Variants in MTUS1 observed in about 807,000 individuals in gnomAD.
MTUS1 encodes the protein microtubule associated scaffold protein 1.
MTUS1 carries 109 observed loss-of-function variants against 120.8 expected under a neutral mutation model. That is an observed-to-expected ratio of 0.90 (90% CI 0.77 to 1.06). The LOEUF (loss-of-function observed/expected upper bound fraction) is 1.06, where lower values mean the gene tolerates loss of function less well. Among genes scored for constraint, MTUS1 ranks in the 50% least tolerant of loss-of-function variants. MTUS1 has a pLI of 0.00. For synonymous variants in MTUS1, 737 were observed against 550.5 expected (o/e 1.34, Z -4.74); for missense variants, 2,210 against 1,486.3 (o/e 1.49, Z -8.01).
At chr8:17,646,837 A>G (rs544579337) in intron 14 of MTUS1, 145 bp downstream of exon 14, 2 of 638,876 alleles carry the variant, frequency 3.1e-6, no homozygotes, top group African/African-American at 3.7e-5. Flanking sequence ...CTACAATCAT[A>G]TTTTCCACAG....
chr8:17,662,263 G>C (rs539831945), intron 8 of MTUS1, among the ~76,000 whole-genome samples: 54 of 151,176 alleles, frequency 3.6e-4, no homozygotes, highest in Admixed American at 1.2e-3. Flanking sequence ...AAATTGTTTC[G>C]AATTTGCAAC....
chr8:17,760,470 G>C (rs2048958139), intron 1 of MTUS1, among the ~76,000 whole-genome samples: 1 of 152,038 alleles, frequency 6.6e-6, no homozygotes, highest in South Asian at 2.1e-4. Flanking sequence ...AGAAAACAAT[G>C]GCTTTAAGTC....
intron 1 of MTUS1, chr8:17,770,683 G>A (rs2049957948): frequency 6.6e-6 from 1 of 152,144 alleles, no homozygotes. Flanking sequence ...TGAGTGTAAC[G>A]ACTTTTTTAT....
intron 2 of MTUS1, among the ~76,000 whole-genome samples, chr8:17,750,657 A>T (rs1337728414): frequency 2.6e-5 from 4 of 152,174 alleles, no homozygotes; most frequent in South Asian, 2.1e-4. Flanking sequence ...GTTATTGGGA[A>T]GAGTAAATAA....
chr8:17,716,018 G>C (rs1350808725), intron 4 of MTUS1, 117 bp from the exon 5 acceptor site: 2 of 872,684 alleles, frequency 2.3e-6, no homozygotes, highest in African/African-American at 1.7e-5. Flanking sequence ...CGACATGCCA[G>C]TCATTACTGA....
intron 1 of MTUS1, among the ~76,000 whole-genome samples, chr8:17,785,116 AT>A (rs2051198275): frequency 7.9e-6 from 1 of 126,520 alleles, no homozygotes. Flanking sequence ...TGCAACAAAC[AT>A]TCCTAGGTCC....
At chr8:17,706,106 A>G (rs182320583) in intron 6 of MTUS1, 3 of 152,134 alleles carry the variant, frequency 2.0e-5, no homozygotes, top group African/African-American at 7.2e-5. Context: ...TAGAGATTTA[A>G]AATAATTCAA....
At chr8:17,647,858 CGTCAGGATTAA>C (rs1806157509) in intron 13 of MTUS1, among the ~76,000 whole-genome samples, 1 of 152,222 alleles carries the variant, frequency 6.6e-6, no homozygotes, top group Non-Finnish European at 1.5e-5. Flanking sequence ...ATTATAGCTC[CGTCAGGATTAA>C]GTCTAAGTCC....
At position 17,755,168 on chromosome 8, in the gene MTUS1, C is replaced by G. The variant is rs1213950279; in HGVS notation, c.640G>C (p.Asp214His). ...GTAGTTTCTCTTGCATGCGTCTTAT[C>G]AGAATGGGAAGATGTCCAAGTGGAA... is the stretch of plus-strand genomic sequence containing the variant. The part of the protein sequence containing the change: ...SYSTWTSSHS[D>H]KTHARETTYD... The change falls in exon 2 of 15, where the codon GAT (aspartate) becomes CAT (histidine). Residue 214 changes from aspartate to histidine, a missense_variant. Transcript: ENST00000693296. 2 of 1,614,026 alleles carry G rather than the reference C, an allele frequency of 1.2e-6. No individual in the cohort carries two copies. The highest frequency in any genetic ancestry group is 2.7e-5 in the African/African-American group (2 of 74,924).
In MTUS1 at chr8:17,753,868, CTTTCCATTT is replaced by C. The variant is rs775322333; in HGVS notation, c.1931_1939del (p.Lys644_Glu646del). 1.9e-6 allele frequency: 3 copies of C among 1,614,180 alleles called. No individual in the cohort carries two copies. In the East Asian group the frequency reaches 6.7e-5, roughly 36 times the overall value. On this transcript the variant is annotated inframe_deletion, in exon 2 of 15. Coordinates refer to ENST00000693296, the MANE Select transcript of MTUS1 (RefSeq NM_001363059.2). ...ATAGGTCATTTCCAAACATTCTGCA[CTTTCCATTT>C]TAACAGGGAGTATGCCTTTGATCTT... is the stretch of plus-strand genomic sequence containing the variant.
chr8:17,660,712 A>T (rs1456637630), intron 8 of MTUS1, among the ~76,000 whole-genome samples: 3 of 152,158 alleles, frequency 2.0e-5, no homozygotes, highest in Non-Finnish European at 4.4e-5. Flanking sequence ...TGATTTTTTC[A>T]AATATATGTA....
intron 1 of MTUS1, among the ~76,000 whole-genome samples, chr8:17,764,954 T>C (rs1361839483): frequency 1.3e-5 from 2 of 152,198 alleles, no homozygotes; most frequent in Non-Finnish European, 2.9e-5. Context: ...TACATTGTAA[T>C]ACATAATCAA....
At chr8:17,788,146 GATGGACAC>G (rs897470658) in intron 1 of MTUS1, among the ~76,000 whole-genome samples, 5 of 152,122 alleles carry the variant, frequency 3.3e-5, no homozygotes, top group African/African-American at 1.2e-4. Flanking sequence ...ATTCTAAGGT[GATGGACAC>G]ATTCTGTATC....
intron 3 of MTUS1, among the ~76,000 whole-genome samples, chr8:17,742,510 T>C (rs1225409232): frequency 6.6e-6 from 1 of 151,984 alleles, no homozygotes; most frequent in African/African-American, 2.4e-5. Context: ...TTTTGGCCTC[T>C]GTTTTTCTCC....
rs1045476543 is a variant in MTUS1 at position 17,718,263 on chromosome 8, C to G, written c.2450-2362G>C. Among the ~76,000 whole-genome samples, 6 of 152,244 alleles carry G rather than the reference C, an allele frequency of 3.9e-5. No individual in the cohort carries two copies. The South Asian group carries it at 1.2e-3, about 32-fold the overall frequency. On this transcript the variant is annotated intron_variant, in intron 4 of 14. Transcript: ENST00000693296. The stretch of plus-strand genomic sequence containing the variant: ...GTATCCTGATGCTATCTAAATTTTC[C>G]CTCAGCCAGAGTCATTATATCCAAA...
At chr8:17,648,381 G>C (rs976153807) in intron 13 of MTUS1, among the ~76,000 whole-genome samples, 1 of 152,204 alleles carries the variant, frequency 6.6e-6, no homozygotes, top group Non-Finnish European at 1.5e-5. Flanking sequence ...GAAATTAAAT[G>C]TGTTGGTAAG....
At chr8:17,700,164 G>A (rs1048890341) in intron 6 of MTUS1, among the ~76,000 whole-genome samples, 1 of 152,030 alleles carries the variant, frequency 6.6e-6, no homozygotes, top group Admixed American at 6.6e-5. Context: ...GTAAAAGTTA[G>A]CTATGAGTCT....
At position 17,754,059 on chromosome 8, in the gene MTUS1, A is replaced by G. The variant is rs778622660; in HGVS notation, c.1749T>C (p.Ile583=). 20 of 1,613,984 alleles carry G rather than the reference A, an allele frequency of 1.2e-5. 1 individual carries two copies. The Admixed American group carries it at 3.3e-4, about 27-fold the overall frequency. Residue 583 remains isoleucine (I), a synonymous_variant, in exon 2 of 15, where the codon ATT becomes ATC. Transcript: ENST00000693296. ...KTHKQQFNKL[I]TSQAVHVTTH... ...TTGTAACATGCACAGCCTGGCTAGT[A>G]ATGAGTTTATTAAACTGCTGCTTAT...
chr8:17,704,481 T>C (rs73200179), intron 6 of MTUS1, among the ~76,000 whole-genome samples: 15 of 152,178 alleles, frequency 9.9e-5, no homozygotes, highest in Non-Finnish European at 1.8e-4. Flanking sequence ...ATTTCATTAT[T>C]TTGCTTGTGG....
Sources: allele counts gnomAD v4.1 joint callset (sites outside exome capture counted in the v4.1 genomes callset), GRCh38; gene constraint gnomAD v4.1.1; transcripts MANE v1.5; gene names NCBI Gene and HGNC (gene_info 2026-07-23, HGNC 2026-07-21).